Variants in JAM2 observed in about 807,000 individuals in gnomAD.
The protein encoded by JAM2 is junctional adhesion molecule B.
In JAM2, 17 loss-of-function variants were observed where a neutral mutation model predicts 42.0. That is an observed-to-expected ratio of 0.40 (90% CI 0.28 to 0.61). The LOEUF is 0.61. Ranked by LOEUF, JAM2 falls within the 20% of genes least tolerant of loss-of-function variation. JAM2 has a pLI of 0.37. For synonymous variants in JAM2, 118 were observed against 128.6 expected (o/e 0.92, Z 0.56); for missense variants, 319 against 358.3 (o/e 0.89, Z 0.89).
intron 1 of JAM2, among the ~76,000 whole-genome samples, chr21:25,650,508 T>G (rs1399031839): frequency 6.6e-6 from 1 of 152,332 alleles, no homozygotes; most frequent in South Asian, 2.1e-4. Flanking sequence ...GATGCTGGCA[T>G]GTTCAAAAAA....
chr21:25,689,660 A>ATT (rs1233815368), intron 2 of JAM2, among the ~76,000 whole-genome samples: 5 of 152,222 alleles, frequency 3.3e-5, no homozygotes, highest in African/African-American at 4.8e-5. Flanking sequence ...ATAACCAGGG[A>ATT]AATAAGCACA....
At chr21:25,666,321 A>G (rs2033220851) in intron 1 of JAM2, among the ~76,000 whole-genome samples, 1 of 149,928 alleles carries the variant, frequency 6.7e-6, no homozygotes, top group South Asian at 2.1e-4. Context: ...GGCTTTTATT[A>G]TTATTATTAT....
intron 1 of JAM2, among the ~76,000 whole-genome samples, chr21:25,673,837 A>G (rs544985283): frequency 9.8e-4 from 150 of 152,334 alleles, no homozygotes; most frequent in African/African-American, 3.4e-3. Context: ...CTTGAATTGT[A>G]GCTCCTGTAA....
chr21:25,691,520 T>A (rs1255793627), intron 3 of JAM2, among the ~76,000 whole-genome samples: 1 of 152,182 alleles, frequency 6.6e-6, no homozygotes, highest in Non-Finnish European at 1.5e-5. Flanking sequence ...CCACACCGGG[T>A]GCAAAACACT....
At chr21:25,672,540 A>C (rs2033385299) in intron 1 of JAM2, among the ~76,000 whole-genome samples, 1 of 152,246 alleles carries the variant, frequency 6.6e-6, no homozygotes, top group Admixed American at 6.5e-5. Flanking sequence ...TAGAACTGCC[A>C]AATGCTGGCA....
In JAM2 at chr21:25,716,683, C is replaced by CAAT. The variant is rs1381025576; in HGVS notation, c.*2014_*2016dup. The CAAT allele has an allele frequency of 2.6e-5, 4 of 152,206 alleles. No homozygotes were observed. The highest frequency in any genetic ancestry group is 7.2e-5 in the African/African-American group (3 of 41,442). The allele number at this position is 152,206 out of a possible 1,614,324, so 9.4% of individuals were successfully genotyped here. ...CAAGCAAGTAGTCATGTCTGTGTTCCAATAAGACTTTATTTACAAAAACAG... is the reference window on the plus strand; with the variant it reads ...CAAGCAAGTAGTCATGTCTGTGTTCCAATAATAAGACTTTATTTACAAAAACAG... On this transcript the variant is annotated 3_prime_UTR_variant, in exon 10 of 10. Transcript: ENST00000480456.
intron 1 of JAM2, among the ~76,000 whole-genome samples, chr21:25,678,611 GTCACTGCTTT>G (rs1166148643): frequency 1.3e-5 from 2 of 152,184 alleles, no homozygotes; most frequent in African/African-American, 4.8e-5. Flanking sequence ...AGCCACATGG[GTCACTGCTTT>G]CTACAGACAT....
At chr21:25,682,792 G>A (rs1196627526) in intron 1 of JAM2, among the ~76,000 whole-genome samples, 2 of 152,116 alleles carry the variant, frequency 1.3e-5, no homozygotes, top group African/African-American at 4.8e-5. Context: ...CAGGATGGAT[G>A]GGGAGCTGGA....
chr21:25,657,863 T>G (rs1014130944), intron 1 of JAM2, among the ~76,000 whole-genome samples: 3 of 152,184 alleles, frequency 2.0e-5, no homozygotes, highest in Non-Finnish European at 2.9e-5. Flanking sequence ...CTGCCTCCTT[T>G]AGAATTCTCA....
rs2034470012 is a variant in JAM2, at chr21:25,715,954, A to G, written c.*1282A>G. 6.6e-6 allele frequency: 1 copy of G among 151,778 alleles called. No homozygotes were observed. Among genetic ancestry groups the G allele is most frequent in the South Asian group, 2.1e-4 (1 of 4,786 alleles). 9.4% of individuals were successfully genotyped at this position (151,778 alleles called of 1,614,324 possible). On this transcript the variant is annotated 3_prime_UTR_variant, in exon 10 of 10. Coordinates refer to ENST00000480456, the MANE Select transcript of JAM2 (RefSeq NM_021219.4). ...ATGAAAAGGTCACTTGCTACCTTTG[A>G]CAACTATGAACATGATGGTTAATCT...
rs2032372431 is a variant in JAM2 at position 25,639,779 on chromosome 21, G to A, written c.-43G>A. On this transcript the variant is annotated 5_prime_UTR_variant, in exon 1 of 10. Coordinates refer to ENST00000480456, the MANE Select transcript of JAM2 (RefSeq NM_021219.4). The stretch of plus-strand genomic sequence containing the variant: ...CGGCCTCCTGCGCTCCTGCCGCCGG[G>A]ACCCTCGACCTCCTCAGAGCAGCCG... The A allele has an allele frequency of 2.1e-6, 3 of 1,454,812 alleles. No homozygotes were observed. The highest frequency in any genetic ancestry group is 1.4e-5 in the African/African-American group (1 of 70,800). The allele number at this position is 1,454,812 out of a possible 1,614,324, so 90.1% of individuals were successfully genotyped here.
chr21:25,668,598 A>G (rs1220366031), intron 1 of JAM2, among the ~76,000 whole-genome samples: 1 of 152,270 alleles, frequency 6.6e-6, no homozygotes, highest in African/African-American at 2.4e-5. Flanking sequence ...GAGGTGGAGA[A>G]GGTGGAACAG....
chr21:25,640,229 CCACTGG>C (rs1422214480), intron 1 of JAM2, among the ~76,000 whole-genome samples: 3 of 152,136 alleles, frequency 2.0e-5, no homozygotes, highest in African/African-American at 7.2e-5. Context: ...AACTCACTAC[CCACTGG>C]TAAGATGCTA....
At chr21:25,649,343 G>A (rs1172217327) in intron 1 of JAM2, among the ~76,000 whole-genome samples, 3 of 152,164 alleles carry the variant, frequency 2.0e-5, no homozygotes, top group Non-Finnish European at 2.9e-5. Flanking sequence ...ATGGCAGAAG[G>A]GGAAGCAAAC....
At chr21:25,663,741 C>T (rs950613204) in intron 1 of JAM2, among the ~76,000 whole-genome samples, 1 of 152,114 alleles carries the variant, frequency 6.6e-6, no homozygotes, top group Non-Finnish European at 1.5e-5. Context: ...TCAGATGTGA[C>T]CCCTCTACCT....
rs149411337 is a variant in JAM2, at chr21:25,654,111, G to A, written c.67+14223G>A. ...ATTCTGCTTTCTTTTAGGCATGTAT[G>A]TGTAACCACATAGCCTTAACTTAGA... On this transcript the variant is annotated intron_variant, in intron 1 of 9. Transcript: ENST00000480456. Among the ~76,000 whole-genome samples, 75 of 152,232 alleles carry A rather than the reference G, an allele frequency of 4.9e-4. 1 individual carries two copies. The highest frequency in any genetic ancestry group is 1.2e-3 in the East Asian group (6 of 5,184).
intron 1 of JAM2, among the ~76,000 whole-genome samples, chr21:25,678,669 G>A (rs1275606584): frequency 6.6e-6 from 1 of 152,144 alleles, no homozygotes; most frequent in African/African-American, 2.4e-5. Flanking sequence ...GTTCAGTCCT[G>A]TACTCTTCAC....
chr21:25,714,280 G>A (rs2123424610), intron 9 of JAM2: 1 of 1,204,048 alleles, frequency 8.3e-7, no homozygotes, highest in South Asian at 1.3e-5. Context: ...GCCGCGGCGG[G>A]CGGATCACGA....
Position 25,654,835 on chromosome 21 carries a change from G to A in JAM2, c.67+14947G>A, listed in dbSNP as rs117397143. 5.9e-5 allele frequency among the ~76,000 whole-genome samples: 9 copies of A among 152,262 alleles called. No homozygotes were observed. The East Asian group carries it at 1.7e-3, about 29-fold the overall frequency. Reference sequence around the variant, plus strand: ...GGTAGCACGTGCATGAACTCAGAAAGTGGGTTTTTCTGCAGAATAACTGAC... The same window carrying A: ...GGTAGCACGTGCATGAACTCAGAAAATGGGTTTTTCTGCAGAATAACTGAC... On this transcript the variant is annotated intron_variant, in intron 1 of 9. Transcript: ENST00000480456.
Sources: allele counts gnomAD v4.1 joint callset (sites outside exome capture counted in the v4.1 genomes callset), GRCh38; gene constraint gnomAD v4.1.1; transcripts MANE v1.5; gene names NCBI Gene and HGNC (gene_info 2026-07-23, HGNC 2026-07-21).